Variants in TP63 observed in about 807,000 individuals in gnomAD.
TP63 encodes the protein tumor protein p63, also known as tumor protein 63.
TP63 carries 17 observed loss-of-function variants against 82.8 expected under a neutral mutation model. The observed-to-expected ratio is 0.21, with a 90% confidence interval of 0.14 to 0.31. The LOEUF (loss-of-function observed/expected upper bound fraction) is 0.31, where lower values mean the gene tolerates loss of function less well. Ranked by LOEUF, TP63 falls within the 10% of genes least tolerant of loss-of-function variation. TP63 has a pLI of 1.00. For missense variants in TP63, 648 were observed against 895.3 expected, an observed-to-expected ratio of 0.72 and a Z score of 3.52; for synonymous variants, 330 against 321.7, an observed-to-expected ratio of 1.03 and a Z score of -0.28.
At chr3:189,805,320 G>T (rs1051486269) in intron 3 of TP63, among the ~76,000 whole-genome samples, 2 of 152,134 alleles carry the variant, frequency 1.3e-5, no homozygotes, top group South Asian at 2.1e-4. Flanking sequence ...CATTACAAAT[G>T]ATTTCTTCCT....
chr3:189,637,632 T>G (rs960343486), intron 1 of TP63, among the ~76,000 whole-genome samples: 2 of 152,136 alleles, frequency 1.3e-5, no homozygotes, highest in Non-Finnish European at 2.9e-5. Context: ...AAACATAGCA[T>G]TTTATTAGAT....
At chr3:189,720,543 T>C (rs1234529801) in intron 1 of TP63, among the ~76,000 whole-genome samples, 1 of 151,942 alleles carries the variant, frequency 6.6e-6, no homozygotes, top group Non-Finnish European at 1.5e-5. Flanking sequence ...AAGACCAGCC[T>C]GGTCAACATG....
At chr3:189,864,175 A>G in intron 4 of TP63, 57 bp from the exon 5 acceptor site, 1 of 1,608,444 alleles carries the variant, frequency 6.2e-7, no homozygotes, top group South Asian at 1.1e-5. Context: ...TTGGAATGTA[A>G]CAATATCTCC....
intron 1 of TP63, among the ~76,000 whole-genome samples, chr3:189,676,048 A>G (rs942068077): frequency 1.0e-3 from 152 of 152,264 alleles, no homozygotes; most frequent in African/African-American, 3.5e-3. Flanking sequence ...TAAAAATTAT[A>G]TAGATTTATA....
chr3:189,758,540 G>A (rs933236668), intron 3 of TP63, among the ~76,000 whole-genome samples: 2 of 152,194 alleles, frequency 1.3e-5, no homozygotes, highest in African/African-American at 4.8e-5. Context: ...GTCAAACCAG[G>A]CACTTGATCT....
intron 3 of TP63, among the ~76,000 whole-genome samples, chr3:189,753,584 GACAAT>G (rs1312817711): frequency 6.6e-6 from 1 of 151,686 alleles, no homozygotes; most frequent in Non-Finnish European, 1.5e-5. Flanking sequence ...GTTTCTTCTA[GACAAT>G]ACAGAGTTGG....
chr3:189,643,622 G>C (rs1279788021), intron 1 of TP63, among the ~76,000 whole-genome samples: 1 of 152,024 alleles, frequency 6.6e-6, no homozygotes, highest in African/African-American at 2.4e-5. Context: ...CAATGTGACT[G>C]TTTTTTCCCT....
chr3:189,885,368 A>G (rs946182385), intron 10 of TP63, among the ~76,000 whole-genome samples: 1 of 152,212 alleles, frequency 6.6e-6, no homozygotes, highest in African/African-American at 2.4e-5. Flanking sequence ...GATGGGGACC[A>G]TGCCTTAAGT....
chr3:189,877,126 G>A lies in TP63; in HGVS notation c.1349+4131G>A, dbSNP rs115772163. On this transcript the variant is annotated intron_variant, in intron 10 of 13. Transcript: ENST00000264731. Reference sequence around the variant, plus strand: ...TACCTTCATGATCATAGGCTTTATCGAAGATAGACTTTACAGAGCTGCTGT... The same window carrying A: ...TACCTTCATGATCATAGGCTTTATCAAAGATAGACTTTACAGAGCTGCTGT... Among the ~76,000 whole-genome samples the A allele has an allele frequency of 3.0e-3, 453 of 152,080 alleles. 5 individuals carry two copies. Among genetic ancestry groups the A allele is most frequent in the African/African-American group, 0.01 (435 of 41,464 alleles).
chr3:189,840,576 G>C (rs1054741383), intron 4 of TP63, among the ~76,000 whole-genome samples: 2 of 151,488 alleles, frequency 1.3e-5, no homozygotes, highest in Non-Finnish European at 1.5e-5. Flanking sequence ...AATTGTTCAC[G>C]GTGGCTGGGT....
chr3:189,776,148 T>C (rs1480213112), intron 3 of TP63, among the ~76,000 whole-genome samples: 2 of 152,250 alleles, frequency 1.3e-5, no homozygotes, highest in Non-Finnish European at 2.9e-5. Flanking sequence ...TTTTCAATCT[T>C]TGGATTTCAT....
chr3:189,650,654 C>A (rs1231911444), intron 1 of TP63, among the ~76,000 whole-genome samples: 1 of 147,470 alleles, frequency 6.8e-6, no homozygotes, highest in East Asian at 2.4e-4. Context: ...GCCTCCCCAG[C>A]CATGCTGAAC....
intron 1 of TP63, among the ~76,000 whole-genome samples, chr3:189,704,129 C>T (rs145189161): frequency 0.011 from 1,663 of 152,320 alleles, 13 homozygotes; most frequent in Non-Finnish European, 0.017. Context: ...GCTAGCCCTG[C>T]GCAATAGGCT....
chr3:189,741,415 T>C lies in TP63; in HGVS notation c.324+2641T>C, dbSNP rs777643607. Among the ~76,000 whole-genome samples the C allele has an allele frequency of 9.9e-4, 147 of 148,654 alleles. 1 individual carries two copies. The highest frequency in any genetic ancestry group is 1.1e-3 in the Non-Finnish European group (76 of 67,086). ...TTTAGAAAGTAGGGAGTAGGATCCT[T>C]TTAGATTCTTAGTCTTTCTGAACTG... On this transcript the variant is annotated intron_variant, in intron 3 of 13. Coordinates refer to ENST00000264731, the MANE Select transcript of TP63 (RefSeq NM_003722.5).
At chr3:189,708,393 G>C (rs1325580011) in intron 1 of TP63, among the ~76,000 whole-genome samples, 1 of 152,140 alleles carries the variant, frequency 6.6e-6, no homozygotes, top group Non-Finnish European at 1.5e-5. Context: ...CTGATTTTTG[G>C]TTCAGTCATT....
chr3:189,596,768 C>T, the TP63 span, among the ~76,000 whole-genome samples: 1 of 152,200 alleles, frequency 6.6e-6, no homozygotes, highest in Non-Finnish European at 1.5e-5. Flanking sequence ...GGGTCACCTT[C>T]CACACTGTGG....
chr3:189,676,333 T>C (rs1189700296), intron 1 of TP63, among the ~76,000 whole-genome samples: 1 of 152,134 alleles, frequency 6.6e-6, no homozygotes, highest in Non-Finnish European at 1.5e-5. Context: ...ACTCCCAAAC[T>C]CTTGGCAACA....
chr3:189,604,214 C>G, the TP63 span, among the ~76,000 whole-genome samples: 1 of 152,132 alleles, frequency 6.6e-6, no homozygotes, highest in Admixed American at 6.6e-5. Flanking sequence ...TTTCACTTCT[C>G]TTGGTTTTAA....
the TP63 span, among the ~76,000 whole-genome samples, chr3:189,607,016 G>T: frequency 6.6e-6 from 1 of 152,154 alleles, no homozygotes; most frequent in African/African-American, 2.4e-5. Flanking sequence ...GAGCTGTTAT[G>T]TTGGAGAGGC....
Sources: allele counts gnomAD v4.1 joint callset (sites outside exome capture counted in the v4.1 genomes callset), GRCh38; gene constraint gnomAD v4.1.1; transcripts MANE v1.5; gene names NCBI Gene and HGNC (gene_info 2026-07-23, HGNC 2026-07-21).